Variants in NYX observed in about 807,000 individuals in gnomAD.
The protein encoded by NYX is leucine-rich repeat protein.
For missense variants in NYX, 481 were observed against 485.4 expected (o/e 0.99, Z 0.09); for synonymous variants, 258 against 245.7 (o/e 1.05, Z -0.47).
In NYX at chrX:41,474,439, G is replaced by T; in HGVS notation, c.971G>T (p.Gly324Val). The T allele has an allele frequency of 8.3e-7, 1 of 1,208,468 alleles. No homozygotes were observed. The highest frequency in any genetic ancestry group is 1.1e-6 in the Non-Finnish European group (1 of 895,400). ...GCCTTCCAGCCCGGCTTCTTCCTGGGCCGCCTCTTCCTCTTCCGCAACCCG... is the reference window on the plus strand; with the variant it reads ...GCCTTCCAGCCCGGCTTCTTCCTGGTCCGCCTCTTCCTCTTCCGCAACCCG... ...WVAFQPGFFL[G>V]RLFLFRNPWC... is the part of the protein sequence containing the mutation. The change falls in exon 3 of 3, where the codon GGC (glycine) becomes GTC (valine). Residue 324 changes from glycine (G) to valine (V), a missense_variant. Coordinates refer to ENST00000378220, the MANE Select transcript of NYX (RefSeq NM_001378477.3).
intron 2 of NYX, among the ~76,000 whole-genome samples, chrX:41,464,670 CGTGTGTGT>C (rs768617215): frequency 2.9e-5 from 3 of 101,814 alleles, no homozygotes; most frequent in Admixed American, 1.1e-4. Context: ...ATGGGCCGTG[CGTGTGTGT>C]GTGTGTGTGT....
intron 2 of NYX, among the ~76,000 whole-genome samples, chrX:41,456,330 A>G (rs1446688720): frequency 1.8e-5 from 2 of 111,380 alleles, no homozygotes; most frequent in African/African-American, 3.3e-5. Context: ...AAAGGAGGAG[A>G]GGCCAGGAAG....
At chrX:41,456,191 G>T (rs1179840206) in intron 2 of NYX, among the ~76,000 whole-genome samples, 1 of 111,228 alleles carries the variant, frequency 9.0e-6, no homozygotes, top group Non-Finnish European at 1.9e-5. Flanking sequence ...ACAAAAATTA[G>T]TTGGGCGTGA....
At chrX:41,473,355 CA>C (rs1195252777) in intron 2 of NYX, 135 bp from the exon 3 acceptor site, 2 of 745,879 alleles carry the variant, frequency 2.7e-6, no homozygotes, top group Non-Finnish European at 3.3e-6. Flanking sequence ...GTGCCTGACA[CA>C]AGATAACTCG....
chrX:41,455,669 G>A lies in NYX; in HGVS notation c.22+7743G>A, dbSNP rs183317735. Among the ~76,000 whole-genome samples the A allele has an allele frequency of 6.4e-3, 715 of 111,193 alleles. 6 individuals carry two copies. Among genetic ancestry groups the A allele is most frequent in the African/African-American group, 0.022 (682 of 30,634 alleles). On this transcript the variant is annotated intron_variant, in intron 2 of 2. Transcript: ENST00000378220. ...CAGACTGGGAAAAAAAAGCTCTGAA[G>A]CCTTTTTCCGATTTCCAGATGGATC...
At chrX:41,453,459 CT>C (rs765178661) in intron 2 of NYX, among the ~76,000 whole-genome samples, 4,841 of 101,835 alleles carry the variant, frequency 0.048, 158 homozygotes, top group African/African-American at 0.11. Flanking sequence ...TCTTCTTCTT[CT>C]TTTTTTTTTT....
intron 2 of NYX, among the ~76,000 whole-genome samples, chrX:41,456,251 G>A (rs1364660099): frequency 1.8e-5 from 2 of 111,403 alleles, no homozygotes; most frequent in African/African-American, 6.5e-5. Context: ...CAGGAGAATC[G>A]CTTGAACCCG....
In NYX at chrX:41,448,532, G is replaced by A. The variant is rs190853637; in HGVS notation, c.22+606G>A. On this transcript the variant is annotated intron_variant, in intron 2 of 2. Coordinates refer to ENST00000378220, the MANE Select transcript of NYX (RefSeq NM_001378477.3). ...GCTGGGATTACAGGCGTGAGCCACC[G>A]TACGGTGGTTTTTTCTTTTCTTTTC... is the stretch of plus-strand genomic sequence containing the variant. Among the ~76,000 whole-genome samples the A allele has an allele frequency of 9.9e-3, 1,056 of 106,944 alleles. 9 individuals are homozygous for A. Among genetic ancestry groups the A allele is most frequent in the African/African-American group, 0.035 (1,017 of 29,303 alleles). 92.9% of individuals were successfully genotyped at this position (106,944 alleles called of 115,157 possible).
chrX:41,464,670 CGTGTGT>C (rs768617215), intron 2 of NYX, among the ~76,000 whole-genome samples: 1 of 101,814 alleles, frequency 9.8e-6, no homozygotes, highest in African/African-American at 3.6e-5. Flanking sequence ...ATGGGCCGTG[CGTGTGT>C]GTGTGTGTGT....
chrX:41,473,744 C>T lies in NYX; in HGVS notation c.276C>T (p.Asn92=). Residue 92 remains asparagine (N), a synonymous_variant, in exon 3 of 3, where the codon AAC becomes AAT. Coordinates refer to ENST00000378220, the MANE Select transcript of NYX (RefSeq NM_001378477.3). ...SLRRLSLRHN[N]LSFITPGAFK... is the part of the protein sequence containing the mutation. ...GCCGCCTGTCGCTGCGCCACAACAA[C>T]CTGTCCTTCATCACGCCCGGCGCCT... 2 of 1,157,693 alleles carry T rather than the reference C, an allele frequency of 1.7e-6. No individual in the cohort carries two copies. The highest frequency in any genetic ancestry group is 3.4e-5 in the East Asian group (1 of 29,685).
chrX:41,472,784 C>T (rs2064367135), intron 2 of NYX: 1 of 249,805 alleles, frequency 4.0e-6, no homozygotes, highest in African/African-American at 2.8e-5. Context: ...CCACGTGTCA[C>T]GGGCAAATTT....
intron 2 of NYX, among the ~76,000 whole-genome samples, chrX:41,452,032 G>A (rs1178593668): frequency 9.0e-6 from 1 of 110,946 alleles, no homozygotes; most frequent in Non-Finnish European, 1.9e-5. Context: ...GGAGTGTAGT[G>A]GTGCGATTAT....
At chrX:41,448,241 T>C (rs1210806855) in intron 2 of NYX, among the ~76,000 whole-genome samples, 1 of 111,574 alleles carries the variant, frequency 9.0e-6, no homozygotes, top group African/African-American at 3.3e-5. Flanking sequence ...ACAGTGTTTT[T>C]TTGTTTTGTT....
intron 2 of NYX, among the ~76,000 whole-genome samples, chrX:41,470,898 A>G (rs1233085116): frequency 9.1e-6 from 1 of 109,827 alleles, no homozygotes; most frequent in Admixed American, 9.9e-5. Flanking sequence ...GAGATCCCCC[A>G]GGGCCTGCAG....
chrX:41,466,787 C>CTTTTTT (rs747247175), intron 2 of NYX, among the ~76,000 whole-genome samples: 6 of 20,500 alleles, frequency 2.9e-4, no homozygotes, highest in Admixed American at 1.0e-3. Flanking sequence ...CCAGACTGGT[C>CTTTTTT]TTTTTTTTTT....
intron 2 of NYX, among the ~76,000 whole-genome samples, chrX:41,462,392 G>A (rs913410103): frequency 7.1e-5 from 8 of 112,181 alleles, no homozygotes; most frequent in Non-Finnish European, 1.3e-4. Flanking sequence ...CAATTTGGAA[G>A]TCCCATTTTA....
intron 2 of NYX, among the ~76,000 whole-genome samples, chrX:41,455,688 A>G (rs2064296641): frequency 9.0e-6 from 1 of 111,294 alleles, no homozygotes; most frequent in African/African-American, 3.3e-5. Flanking sequence ...CGATTTCCAG[A>G]TGGATCCTTC....
rs2147027002 is a variant in NYX, at chrX:41,475,080, G to T, written c.*181G>T. 2.1e-6 allele frequency: 1 copy of T among 467,469 alleles called. No homozygotes were observed. The highest frequency in any genetic ancestry group is 3.1e-5 in the South Asian group (1 of 31,910). 38.5% of individuals were successfully genotyped at this position (467,469 alleles called of 1,213,427 possible). ...GCCACTCGAGGGGGAGGATGGTATG[G>T]ATTTCTGCTTTTGTCACACGGGCAT... On this transcript the variant is annotated 3_prime_UTR_variant, in exon 3 of 3. Coordinates refer to ENST00000378220, the MANE Select transcript of NYX (RefSeq NM_001378477.3).
At position 41,474,109 on chromosome X, in the gene NYX, G is replaced by T. The variant is rs768808915; in HGVS notation, c.641G>T (p.Arg214Leu). The change falls in exon 3 of 3, where the codon CGT (arginine) becomes CTT (leucine). Residue 214 changes from arginine to leucine, a missense_variant. Transcript: ENST00000378220. Reference protein sequence around the residue: ...RSLSLQANRVRAVHAGAFGDC... With the variant: ...RSLSLQANRVLAVHAGAFGDC... ...CTCAGCCTGCAGGCCAACCGCGTCC[G>T]TGCCGTGCACGCTGGCGCCTTCGGG... 2 of 1,114,798 alleles carry T rather than the reference G, an allele frequency of 1.8e-6. No individual in the cohort carries two copies. The highest frequency in any genetic ancestry group is 3.1e-5 in the Admixed American group (1 of 32,731). 91.9% of individuals were successfully genotyped at this position (1,114,798 alleles called of 1,213,427 possible). A position where few individuals can be genotyped will look rare whatever the true frequency, so the allele number is the denominator to read the frequency against.
Sources: gnomAD v4.1 joint callset for allele counts (sites outside exome capture counted in the v4.1 genomes callset) on GRCh38, gnomAD v4.1.1 for gene constraint, MANE v1.5 for transcripts, NCBI Gene and HGNC (gene_info 2026-07-23, HGNC 2026-07-21) for gene names.